Variants in PTPRD observed in about 807,000 individuals in gnomAD.
PTPRD encodes the protein protein tyrosine phosphatase receptor type D.
In PTPRD, 34 loss-of-function variants were observed where a neutral mutation model predicts 214.5. The ratio of observed to expected loss-of-function variants is 0.16; its 90% CI spans 0.12 to 0.21. The LOEUF is 0.21. Among genes scored for constraint, PTPRD ranks in the 10% least tolerant of loss-of-function variants. The pLI, the probability that PTPRD is intolerant of heterozygous loss-of-function variation, is 1.00. For synonymous variants in PTPRD, 1,128 were observed against 845.7 expected, an observed-to-expected ratio of 1.33 and a Z score of -5.79; for missense variants, 2,545 against 2,398.7, an observed-to-expected ratio of 1.06 and a Z score of -1.27.
chr9:8,404,419 A>G, intron 36 of PTPRD, 118 bp downstream of exon 36: 5 of 1,366,726 alleles, frequency 3.7e-6, no homozygotes, highest in Non-Finnish European at 4.9e-6. Flanking sequence ...GTGAGCCACC[A>G]TGCACAGCCA....
chr9:9,734,459 A>C (rs2098257339), intron 7 of PTPRD, 74 bp downstream of exon 7: 1 of 152,100 alleles, frequency 6.6e-6, no homozygotes, highest in Non-Finnish European at 1.5e-5. Context: ...AAATAAAAAC[A>C]TACTCCAAGG....
chr9:9,998,387 G>C (rs2096221080), intron 4 of PTPRD, among the ~76,000 whole-genome samples: 1 of 151,564 alleles, frequency 6.6e-6, no homozygotes, highest in Non-Finnish European at 1.5e-5. Flanking sequence ...AAAAAAAGTA[G>C]ACCTCCTTCT....
At chr9:10,012,633 C>A (rs1243516999) in intron 4 of PTPRD, among the ~76,000 whole-genome samples, 1 of 151,806 alleles carries the variant, frequency 6.6e-6, no homozygotes, top group Non-Finnish European at 1.5e-5. Flanking sequence ...TTTCGTTACC[C>A]AAGACTAGCA....
At chr9:10,183,446 G>T (rs916659687) in intron 3 of PTPRD, among the ~76,000 whole-genome samples, 1 of 152,132 alleles carries the variant, frequency 6.6e-6, no homozygotes, top group African/African-American at 2.4e-5. Flanking sequence ...TTGAGTAACT[G>T]CAGAGACTGT....
chr9:10,014,127 C>A (rs985289443), intron 4 of PTPRD, among the ~76,000 whole-genome samples: 3 of 151,916 alleles, frequency 2.0e-5, no homozygotes, highest in African/African-American at 7.2e-5. Context: ...GAGTTGTTTG[C>A]TTAAAGTTAC....
chr9:10,190,138 G>C (rs2099356162), intron 3 of PTPRD, among the ~76,000 whole-genome samples: 1 of 151,258 alleles, frequency 6.6e-6, no homozygotes, highest in African/African-American at 2.4e-5. Context: ...AGGCTGAGGG[G>C]GGTGGATCAC....
intron 12 of PTPRD, among the ~76,000 whole-genome samples, chr9:8,697,766 T>G (rs577063394): frequency 1.4e-4 from 21 of 150,314 alleles, no homozygotes; most frequent in South Asian, 4.3e-4. Context: ...GGTGCGTGGG[T>G]GTGTGTGTGT....
intron 11 of PTPRD, among the ~76,000 whole-genome samples, chr9:8,928,874 T>C (rs2098923768): frequency 6.6e-6 from 1 of 152,176 alleles, no homozygotes; most frequent in Non-Finnish European, 1.5e-5. Flanking sequence ...CCTTGAGCAG[T>C]GGTTTGCAGT....
chr9:9,389,843 G>A (rs1054996049), intron 9 of PTPRD, among the ~76,000 whole-genome samples: 8 of 152,130 alleles, frequency 5.3e-5, no homozygotes, highest in Admixed American at 1.3e-4. Context: ...ATACAGGAGG[G>A]GATATTCTAA....
intron 8 of PTPRD, among the ~76,000 whole-genome samples, chr9:9,526,940 G>T (rs1029924171): frequency 1.3e-5 from 2 of 152,030 alleles, no homozygotes; most frequent in Non-Finnish European, 2.9e-5. Flanking sequence ...GTCAATAAAA[G>T]TTGGAGTCAA....
chr9:9,944,648 A>C (rs1375850076), intron 4 of PTPRD, among the ~76,000 whole-genome samples: 1 of 152,122 alleles, frequency 6.6e-6, no homozygotes, highest in Non-Finnish European at 1.5e-5. Context: ...TGAAGAGCAA[A>C]GTCTAAGAAG....
At chr9:9,735,447 C>A (rs1029837547) in intron 6 of PTPRD, among the ~76,000 whole-genome samples, 2 of 152,050 alleles carry the variant, frequency 1.3e-5, no homozygotes, top group Non-Finnish European at 2.9e-5. Flanking sequence ...GAATGGAGAA[C>A]ACGGTAAGTG....
chr9:8,447,571 C>T lies in PTPRD; in HGVS notation c.3988+2154G>A, dbSNP rs372435864. Among the ~76,000 whole-genome samples, 107 of 152,320 alleles carry T rather than the reference C, an allele frequency of 7.0e-4. 1 individual carries two copies. The highest frequency in any genetic ancestry group is 2.5e-3 in the African/African-American group (103 of 41,578). On this transcript the variant is annotated intron_variant, in intron 34 of 45. Transcript: ENST00000381196. Reference sequence around the variant, plus strand: ...CAGACAGAAGTCTCCTGGTTGAAGACATTCCTATTCTCTTACCTGCAGTCA... The same window carrying T: ...CAGACAGAAGTCTCCTGGTTGAAGATATTCCTATTCTCTTACCTGCAGTCA...
intron 2 of PTPRD, among the ~76,000 whole-genome samples, chr9:10,374,494 GC>G (rs1356054124): frequency 1.3e-5 from 2 of 151,946 alleles, no homozygotes; most frequent in Non-Finnish European, 2.9e-5. Flanking sequence ...GCCAGAACTT[GC>G]CCACGGAATA....
At chr9:10,153,806 G>C (rs1194302352) in intron 3 of PTPRD, among the ~76,000 whole-genome samples, 1 of 152,028 alleles carries the variant, frequency 6.6e-6, no homozygotes, top group African/African-American at 2.4e-5. Context: ...TCCTGCAAAT[G>C]ACATGATCTT....
intron 44 of PTPRD, among the ~76,000 whole-genome samples, chr9:8,327,100 C>G (rs1049443303): frequency 2.0e-5 from 3 of 150,006 alleles, no homozygotes; most frequent in Non-Finnish European, 4.4e-5. Context: ...GCTCTTGTTA[C>G]TCTAGTTCAA....
intron 6 of PTPRD, among the ~76,000 whole-genome samples, chr9:9,740,424 C>A (rs2098383079): frequency 6.6e-6 from 1 of 150,444 alleles, no homozygotes. Context: ...GTGGCGTAAT[C>A]TGGGCTCACT....
chr9:8,527,153 C>G (rs530728001), intron 16 of PTPRD, among the ~76,000 whole-genome samples, 192 bp downstream of exon 16: 2 of 151,892 alleles, frequency 1.3e-5, no homozygotes, highest in East Asian at 3.9e-4. Flanking sequence ...AACTTGTGTA[C>G]TATTTAATTT....
intron 11 of PTPRD, among the ~76,000 whole-genome samples, chr9:8,987,966 T>C (rs1211786297): frequency 1.3e-5 from 2 of 151,678 alleles, no homozygotes; most frequent in Non-Finnish European, 2.9e-5. Context: ...TAGCTGAAGA[T>C]GGAGCAATAA....
Sources: allele counts gnomAD v4.1 joint callset (sites outside exome capture counted in the v4.1 genomes callset), GRCh38; gene constraint gnomAD v4.1.1; transcripts MANE v1.5; gene names NCBI Gene and HGNC (gene_info 2026-07-23, HGNC 2026-07-21).